The following NPC1L1 variants were observed in gnomAD, a reference collection of about 807,000 sequenced individuals.
The protein encoded by NPC1L1 is NPC1-like intracellular cholesterol transporter 1.
In NPC1L1, 98 loss-of-function variants were observed where a neutral mutation model predicts 117.0. The observed-to-expected ratio is 0.84, with a 90% confidence interval of 0.71 to 0.99. The LOEUF (loss-of-function observed/expected upper bound fraction) is 0.99. Ranked by LOEUF, NPC1L1 falls within the 50% of genes least tolerant of loss-of-function variation. NPC1L1 has a pLI of 0.00. For missense variants in NPC1L1, 1,540 were observed against 1,710.0 expected (o/e 0.90, Z 1.75); for synonymous variants, 729 against 727.6 (o/e 1.00, Z -0.03).
chr7:44,518,646 G>T lies in NPC1L1; in HGVS notation c.3137-1289C>A, dbSNP rs949726279. ...ATTGTGCCACTGTACTCCAGCCTGG[G>T]TGACAGAATGGCAACTGTGTCTCAA... On this transcript the variant is annotated intron_variant, in intron 14 of 18. Transcript: ENST00000381160. 5.4e-5 allele frequency: 58 copies of T among 1,066,908 alleles called. No individual in the cohort carries two copies. Among genetic ancestry groups the T allele is most frequent in the Non-Finnish European group, 6.9e-5 (55 of 795,934 alleles). 66.1% of individuals were successfully genotyped at this position (1,066,908 alleles called of 1,614,324 possible). A position where few individuals can be genotyped will look rare whatever the true frequency, so the allele number is the denominator to read the frequency against.
At chr7:44,526,382 C>T (rs963448316) in intron 10 of NPC1L1, among the ~76,000 whole-genome samples, 1 of 151,530 alleles carries the variant, frequency 6.6e-6, no homozygotes, top group Non-Finnish European at 1.5e-5. Flanking sequence ...GACCCCATCT[C>T]TGCTAAAAAT....
At chr7:44,523,414 G>C (rs552466714) in intron 10 of NPC1L1, among the ~76,000 whole-genome samples, 1 of 152,118 alleles carries the variant, frequency 6.6e-6, no homozygotes, top group Non-Finnish European at 1.5e-5. Context: ...CCAGGATAAG[G>C]CTTGGACAGT....
chr7:44,535,983 C>T lies in NPC1L1; in HGVS notation c.1855-15G>A. ...TCCAGAGAGCGCTGTGGACACACAC[C>T]CGACCAGCCCCCACTGACCGTGCCT... On this transcript the variant is annotated splice_polypyrimidine_tract_variant and intron_variant, in intron 4 of 18. Coordinates refer to ENST00000381160, the MANE Select transcript of NPC1L1 (RefSeq NM_001101648.2). The T allele has an allele frequency of 1.2e-6, 2 of 1,612,628 alleles. No individual in the cohort carries two copies. The highest frequency in any genetic ancestry group is 1.7e-6 in the Non-Finnish European group (2 of 1,179,978).
rs112740974 is a variant in NPC1L1, at chr7:44,521,612, C to T, written c.2953+100G>A. On this transcript the variant is annotated intron_variant, in intron 12 of 18. Transcript: ENST00000381160. ...TGCCCCCGACAGACCCTGCAGGATG[C>T]GTGGGAGAGGTTGAGGGAGCCTCTC... 2,033 of 1,565,742 alleles carry T rather than the reference C, an allele frequency of 1.3e-3. 17 individuals carry two copies. In the African/African-American group the frequency reaches 0.023, roughly 18 times the overall value.
chr7:44,527,595 T>C (rs571990772), intron 10 of NPC1L1, among the ~76,000 whole-genome samples: 1 of 152,152 alleles, frequency 6.6e-6, no homozygotes, highest in Admixed American at 6.5e-5. Flanking sequence ...TGAGAGGATC[T>C]TTTGAGGCCA....
At chr7:44,531,989 C>T in intron 9 of NPC1L1, 91 bp downstream of exon 9, 1 of 1,593,748 alleles carries the variant, frequency 6.3e-7, no homozygotes, top group Non-Finnish European at 8.6e-7. Context: ...GCATTTGGGC[C>T]TAGGCAACCT....
At chr7:44,528,596 A>G (rs142534894) in intron 10 of NPC1L1, among the ~76,000 whole-genome samples, 2 of 152,372 alleles carry the variant, frequency 1.3e-5, no homozygotes, top group East Asian at 3.9e-4. Context: ...GAAAATGAGA[A>G]GGAAAATGTA....
rs865951171 is a variant in NPC1L1, at chr7:44,512,838, T to G, written c.*609A>C. The G allele has an allele frequency of 6.1e-6, 1 of 163,398 alleles. No individual in the cohort carries two copies. Among genetic ancestry groups the G allele is most frequent in the Non-Finnish European group, 1.4e-5 (1 of 73,530 alleles). The allele number at this position is 163,398 out of a possible 1,614,324, so 10.1% of individuals were successfully genotyped here. On this transcript the variant is annotated 3_prime_UTR_variant, in exon 19 of 19. Transcript: ENST00000381160. ...CATGACCAAGGTGCTTATGAGAGCA[T>G]CCTTCCTGGGCCTTATGAGAGCATC...
chr7:44,520,684 G>T, intron 14 of NPC1L1, 81 bp downstream of exon 14: 2 of 1,193,712 alleles, frequency 1.7e-6, no homozygotes, highest in Non-Finnish European at 2.5e-6. Flanking sequence ...GACAACATGT[G>T]ACAGGCTGTT....
intron 8 of NPC1L1, 133 bp downstream of exon 8, chr7:44,533,298 A>T: frequency 9.3e-7 from 1 of 1,071,694 alleles, no homozygotes. Context: ...CCTAAATATT[A>T]CTCTCCTGGC....
intron 5 of NPC1L1, among the ~76,000 whole-genome samples, chr7:44,535,082 AC>A (rs1258849758): frequency 2.6e-5 from 4 of 151,966 alleles, no homozygotes; most frequent in Non-Finnish European, 4.4e-5. Flanking sequence ...AAACTACAAA[AC>A]AAAAAAAATG....
rs1801901925 is a variant in NPC1L1 at position 44,536,576 on chromosome 7, T to A, written c.1682-148A>T. On this transcript the variant is annotated intron_variant, in intron 3 of 18. Transcript: ENST00000381160. This position sits in a 1 kb window ranked among gnomAD's most constrained non-coding sequence, Gnocchi z 4.7. ...CCCCACTCCTTCCTCATCTGATACA[T>A]GGCCTTACCTCCTACACCCCACTTC... 6.5e-6 allele frequency: 6 copies of A among 925,668 alleles called. No individual in the cohort carries two copies. The highest frequency in any genetic ancestry group is 8.4e-6 in the Non-Finnish European group (5 of 595,260). The allele number at this position is 925,668 out of a possible 1,614,324, so 57.3% of individuals were successfully genotyped here.
intron 14 of NPC1L1, among the ~76,000 whole-genome samples, chr7:44,518,419 C>G (rs949867965): frequency 3.3e-5 from 5 of 152,014 alleles, no homozygotes; most frequent in African/African-American, 1.2e-4. Flanking sequence ...ATTCGCCGGC[C>G]TCGGTCTCCC....
chr7:44,536,077 G>C lies in NPC1L1; in HGVS notation c.1855-109C>G. 3 of 1,560,268 alleles carry C rather than the reference G, an allele frequency of 1.9e-6. No individual in the cohort carries two copies. Among genetic ancestry groups the C allele is most frequent in the East Asian group, 2.2e-5 (1 of 44,472 alleles). The stretch of plus-strand genomic sequence containing the variant: ...AATTGTGTGTTGTGTCATAGGGCCT[G>C]ATGGCCCCCTATAATCGCAGGTGAG... On this transcript the variant is annotated intron_variant, in intron 4 of 18. Transcript: ENST00000381160. The surrounding 1 kb of genome is among the most constrained non-coding windows in gnomAD (Gnocchi z 4.7).
chr7:44,513,597 C>G lies in NPC1L1; in HGVS notation c.3849G>C (p.Ala1283=). The G allele has an allele frequency of 6.2e-7, 1 of 1,613,826 alleles. No homozygotes were observed. Among genetic ancestry groups the G allele is most frequent in the Non-Finnish European group, 8.5e-7 (1 of 1,180,024 alleles). The change falls in exon 19 of 19, where the codon GCG becomes GCC. Residue 1283 remains alanine (A), a synonymous_variant. Coordinates refer to ENST00000381160, the MANE Select transcript of NPC1L1 (RefSeq NM_001101648.2). ...LALEQKRAEE[A]VAAVMVASCP... is the part of the protein sequence containing the mutation. ...AAGAGGCCACCATGACTGCTGCCAC[C>G]GCCTCCTCAGCCCGCTTCTGCTCCA...
intron 5 of NPC1L1, 21 bp downstream of exon 5, chr7:44,535,819 T>C (rs1214159309): frequency 5.0e-6 from 8 of 1,612,290 alleles, no homozygotes; most frequent in Non-Finnish European, 6.8e-6. Context: ...CCCACTTAGC[T>C]GTGTCCCTCC....
Position 44,513,575 on chromosome 7 carries a change from A to G in NPC1L1, c.3871T>C (p.Ser1291Pro). The G allele has an allele frequency of 6.2e-7, 1 of 1,614,038 alleles. No homozygotes were observed. Among genetic ancestry groups the G allele is most frequent in the Non-Finnish European group, 8.5e-7 (1 of 1,180,016 alleles). ...EEAVAAVMVA[S>P]CPNHPSRVST... ...ACTCGGGAGGGGTGATTTGGGCAAGAGGCCACCATGACTGCTGCCACCGCC... is the reference window on the plus strand; with the variant it reads ...ACTCGGGAGGGGTGATTTGGGCAAGGGGCCACCATGACTGCTGCCACCGCC... The change falls in exon 19 of 19, where the codon TCT becomes CCT. Residue 1291 changes from serine (S) to proline (P), a missense_variant. Transcript: ENST00000381160.
chr7:44,532,967 G>T (rs1299874141), intron 8 of NPC1L1, among the ~76,000 whole-genome samples: 1 of 152,174 alleles, frequency 6.6e-6, no homozygotes, highest in African/African-American at 2.4e-5. Flanking sequence ...AGCCAGGCGT[G>T]CAGGAGGAGG....
Position 44,536,469 on chromosome 7 carries a change from G to A in NPC1L1, c.1682-41C>T. ...CTCAGACCCTTCCTGCTGCACCCGT[G>A]CCTCCCTCCCCCTCCAGCTGCACCC... is the stretch of plus-strand genomic sequence containing the variant. On this transcript the variant is annotated intron_variant, in intron 3 of 18. Coordinates refer to ENST00000381160, the MANE Select transcript of NPC1L1 (RefSeq NM_001101648.2). This position sits in a 1 kb window ranked among gnomAD's most constrained non-coding sequence, Gnocchi z 4.7. 1 of 1,599,214 alleles carries A rather than the reference G, an allele frequency of 6.3e-7. No individual in the cohort carries two copies. Among genetic ancestry groups the A allele is most frequent in the East Asian group, 2.2e-5 (1 of 44,834 alleles).
Sources: allele counts gnomAD v4.1 joint callset (sites outside exome capture counted in the v4.1 genomes callset), GRCh38; gene constraint gnomAD v4.1.1; non-coding constraint Gnocchi (gnomAD v3.1); transcripts MANE v1.5; gene names NCBI Gene and HGNC (gene_info 2026-07-23, HGNC 2026-07-21).